The following PSEN1 variants were observed in gnomAD, a reference collection of about 807,000 sequenced individuals.
The protein encoded by PSEN1 is presenilin-1.
Under a neutral mutation model 53.5 loss-of-function variants are expected in PSEN1, and 15 were observed. That is an observed-to-expected ratio of 0.28 (90% confidence interval 0.19 to 0.43). PSEN1 has a LOEUF of 0.43. Ranked by LOEUF, PSEN1 falls within the 20% of genes least tolerant of loss-of-function variation. The pLI, the probability that PSEN1 is intolerant of heterozygous loss-of-function variation, is 1.00. For missense variants in PSEN1, 387 were observed against 571.2 expected (o/e 0.68, Z 3.29); for synonymous variants, 208 against 209.8 (o/e 0.99, Z 0.08).
Position 73,219,250 on chromosome 14 carries a change from T to C in PSEN1, c.1365T>C (p.Pro455=). 6.2e-7 allele frequency: 1 copy of C among 1,613,712 alleles called. No individual in the cohort carries two copies. The highest frequency in any genetic ancestry group is 8.5e-7 in the Non-Finnish European group (1 of 1,179,626). The change falls in exon 12 of 12, where the codon CCT becomes CCC. Residue 455 remains proline, a synonymous_variant. Transcript: ENST00000324501. Reference sequence around the variant, plus strand: ...TTGCCACAGATTATCTTGTACAGCCTTTTATGGACCAATTAGCATTCCATC... The same window carrying C: ...TTGCCACAGATTATCTTGTACAGCCCTTTATGGACCAATTAGCATTCCATC... ...FYFATDYLVQ[P]FMDQLAFHQF... is the part of the protein sequence containing the mutation.
chr14:73,137,869 T>C (rs1308193635), intron 1 of PSEN1, among the ~76,000 whole-genome samples: 1 of 151,980 alleles, frequency 6.6e-6, no homozygotes, highest in Non-Finnish European at 1.5e-5. Context: ...ATCCTTGAGC[T>C]GAGGAGTTCG....
At chr14:73,154,504 G>A (rs1395680824) in intron 3 of PSEN1, among the ~76,000 whole-genome samples, 1 of 152,022 alleles carries the variant, frequency 6.6e-6, no homozygotes, top group Non-Finnish European at 1.5e-5. Flanking sequence ...GGGAAGCTGA[G>A]GCAGGAGGAT....
chr14:73,188,559 A>T (rs1898600297), intron 6 of PSEN1, among the ~76,000 whole-genome samples: 1 of 152,090 alleles, frequency 6.6e-6, no homozygotes, highest in Non-Finnish European at 1.5e-5. Context: ...AGGCGGGAGG[A>T]TGGCTTCAGC....
At chr14:73,201,535 C>T (rs555859211) in intron 8 of PSEN1, among the ~76,000 whole-genome samples, 2 of 152,196 alleles carry the variant, frequency 1.3e-5, no homozygotes, top group East Asian at 1.9e-4. Flanking sequence ...AGGGAAGGTG[C>T]GTATGTGTGC....
intron 5 of PSEN1, among the ~76,000 whole-genome samples, chr14:73,182,451 C>T (rs915464833): frequency 1.3e-5 from 2 of 152,088 alleles, no homozygotes; most frequent in Admixed American, 1.3e-4. Context: ...GAGCTACGAT[C>T]ATGCCACTGT....
intron 10 of PSEN1, among the ~76,000 whole-genome samples, chr14:73,215,030 C>T (rs1397836677): frequency 6.6e-6 from 1 of 151,984 alleles, no homozygotes; most frequent in Admixed American, 6.5e-5. Context: ...GCTGGGATCT[C>T]AGCTCACTGC....
chr14:73,143,456 T>G (rs362459), intron 1 of PSEN1, among the ~76,000 whole-genome samples: 3,520 of 152,302 alleles, frequency 0.023, 141 homozygotes, highest in African/African-American at 0.081. Context: ...GGCAAAATCT[T>G]TCACCTTTTC....
chr14:73,192,899 G>C, intron 7 of PSEN1, 35 bp downstream of exon 7: 2 of 1,506,910 alleles, frequency 1.3e-6, no homozygotes, highest in Non-Finnish European at 1.8e-6. Context: ...TTTGTCACAG[G>C]AATGCCCCAC....
At chr14:73,159,582 A>G (rs1362191315) in intron 3 of PSEN1, among the ~76,000 whole-genome samples, 1 of 152,222 alleles carries the variant, frequency 6.6e-6, no homozygotes, top group Non-Finnish European at 1.5e-5. Context: ...GTTTTTTAAA[A>G]AAGACTATTT....
chr14:73,140,679 T>C (rs1226311053), intron 1 of PSEN1, among the ~76,000 whole-genome samples: 1 of 152,212 alleles, frequency 6.6e-6, no homozygotes, highest in Non-Finnish European at 1.5e-5. Context: ...GGCATTTGCA[T>C]AGTACCTTTA....
At chr14:73,208,849 C>T (rs1334243504) in intron 9 of PSEN1, 1 of 455,306 alleles carries the variant, frequency 2.2e-6, no homozygotes, top group Non-Finnish European at 4.4e-6. Context: ...CTGCTGCCAT[C>T]AACCTGCTGT....
At chr14:73,178,411 C>A (rs992058903) in intron 5 of PSEN1, among the ~76,000 whole-genome samples, 1 of 151,688 alleles carries the variant, frequency 6.6e-6, no homozygotes, top group African/African-American at 2.4e-5. Flanking sequence ...TGGTCTTAAA[C>A]CCCTGGCCTC....
intron 9 of PSEN1, 49 bp downstream of exon 9, chr14:73,206,521 A>G: frequency 7.9e-7 from 1 of 1,261,154 alleles, no homozygotes; most frequent in East Asian, 2.4e-5. Flanking sequence ...GGTCACTGTT[A>G]TAAGCTAACA....
chr14:73,215,671 A>G (rs930081910), intron 10 of PSEN1, among the ~76,000 whole-genome samples: 1 of 152,218 alleles, frequency 6.6e-6, no homozygotes, highest in Non-Finnish European at 1.5e-5. Context: ...CGATAGCCCA[A>G]ATTTAAGATA....
intron 3 of PSEN1, among the ~76,000 whole-genome samples, chr14:73,148,642 G>A (rs1897136315): frequency 6.6e-6 from 1 of 152,104 alleles, no homozygotes; most frequent in South Asian, 2.1e-4. Flanking sequence ...ATCATAAAGT[G>A]AGAGCAGAGG....
At chr14:73,177,813 C>T (rs1595008757) in intron 5 of PSEN1, among the ~76,000 whole-genome samples, 1 of 152,140 alleles carries the variant, frequency 6.6e-6, no homozygotes, top group Admixed American at 6.5e-5. Flanking sequence ...TTCTTTTCAG[C>T]AGTTTAATTA....
chr14:73,188,280 GT>G (rs1898589184), intron 6 of PSEN1, among the ~76,000 whole-genome samples: 1 of 151,646 alleles, frequency 6.6e-6, no homozygotes, highest in Non-Finnish European at 1.5e-5. Flanking sequence ...TTCATTATAA[GT>G]TGCCATATTA....
Position 73,219,534 on chromosome 14 carries a change from A to G in PSEN1, c.*245A>G. The G allele has an allele frequency of 2.0e-6, 1 of 505,242 alleles. No homozygotes were observed. Among genetic ancestry groups the G allele is most frequent in the Non-Finnish European group, 3.6e-6 (1 of 277,836 alleles). 31.3% of individuals were successfully genotyped at this position (505,242 alleles called of 1,614,324 possible). A position where few individuals can be genotyped will look rare whatever the true frequency, so the allele number is the denominator to read the frequency against. On this transcript the variant is annotated 3_prime_UTR_variant, in exon 12 of 12. Coordinates refer to ENST00000324501, the MANE Select transcript of PSEN1 (RefSeq NM_000021.4). ...TGTGTCCCTCGGTGCAGAAACTACC[A>G]GATTTGAGGGACGAGGTCAAGGAGA...
At chr14:73,166,479 C>T (rs969531317) in intron 3 of PSEN1, among the ~76,000 whole-genome samples, 4 of 152,148 alleles carry the variant, frequency 2.6e-5, no homozygotes, top group East Asian at 1.9e-4. Context: ...GTGACAGTGC[C>T]TTGTAAATAC....
Sources: allele counts gnomAD v4.1 joint callset (sites outside exome capture counted in the v4.1 genomes callset), GRCh38; gene constraint gnomAD v4.1.1; transcripts MANE v1.5; gene names NCBI Gene and HGNC (gene_info 2026-07-23, HGNC 2026-07-21).